ERMP1: variants seen among roughly 807,000 people sequenced by gnomAD.
The protein encoded by ERMP1 is endoplasmic reticulum metallopeptidase 1.
Under a neutral mutation model 92.0 loss-of-function variants are expected in ERMP1, and 86 were observed. That is an observed-to-expected ratio of 0.93 (90% CI 0.79 to 1.12). ERMP1 has a LOEUF of 1.12. ERMP1 is among the 50% of genes most tolerant of loss of function. The probability of loss-of-function intolerance (pLI) is 0.00; values close to 1 mark genes in which losing one functional copy is unlikely to be tolerated. For missense variants in ERMP1, 1,342 were observed against 1,116.3 expected, an observed-to-expected ratio of 1.20 and a Z score of -2.88; for synonymous variants, 530 against 412.8, an observed-to-expected ratio of 1.28 and a Z score of -3.44.
chr9:5,828,723 T>C (rs1293227036), intron 2 of ERMP1, among the ~76,000 whole-genome samples: 1 of 152,232 alleles, frequency 6.6e-6, no homozygotes, highest in African/African-American at 2.4e-5. Context: ...GGTTTTTCTC[T>C]TTTTAACCTG....
intron 3 of ERMP1, 150 bp downstream of exon 3, chr9:5,824,942 G>T: frequency 1.4e-6 from 1 of 690,178 alleles, no homozygotes; most frequent in Non-Finnish European, 2.4e-6. Flanking sequence ...ATTTGTTAAA[G>T]TACTGCTCAT....
chr9:5,805,548 C>A lies in ERMP1; in HGVS notation c.1723+63G>T, dbSNP rs1191965775. 3.6e-6 allele frequency: 5 copies of A among 1,394,264 alleles called. No individual in the cohort carries two copies. In the African/African-American group the frequency reaches 6.0e-5, roughly 17 times the overall value. The allele number at this position is 1,394,264 out of a possible 1,614,324, so 86.4% of individuals were successfully genotyped here. A position where few individuals can be genotyped will look rare whatever the true frequency, so the allele number is the denominator to read the frequency against. On this transcript the variant is annotated intron_variant, in intron 9 of 14. Coordinates refer to ENST00000339450, the MANE Select transcript of ERMP1 (RefSeq NM_024896.3). ...CCAATAAAACCAAAAAAGAAAGAGT[C>A]CCTGAAAGCCTTAAGTATTTTAAGG...
upstream of ERMP1, among the ~76,000 whole-genome samples, chr9:5,833,481 A>C (rs1042301542): frequency 6.6e-6 from 1 of 152,236 alleles, no homozygotes; most frequent in African/African-American, 2.4e-5. Flanking sequence ...ATTAGAAATA[A>C]GATTACGCAG....
intron 13 of ERMP1, among the ~76,000 whole-genome samples, chr9:5,792,391 T>C (rs1828233882): frequency 6.6e-6 from 1 of 152,172 alleles, no homozygotes; most frequent in Non-Finnish European, 1.5e-5. Flanking sequence ...CTGCTAGTTT[T>C]AAAGATGGAA....
chr9:5,791,166 G>A, intron 13 of ERMP1: 1 of 455,182 alleles, frequency 2.2e-6, no homozygotes, highest in Non-Finnish European at 4.4e-6. Flanking sequence ...CCAACAGGAT[G>A]TGTACAGAGA....
At chr9:5,829,858 C>T (rs566141431) in intron 2 of ERMP1, among the ~76,000 whole-genome samples, 1 of 152,288 alleles carries the variant, frequency 6.6e-6, no homozygotes, top group East Asian at 1.9e-4. Flanking sequence ...TATTTTCCAT[C>T]CCTATTTACA....
At chr9:5,813,058 A>G in intron 4 of ERMP1, 23 bp from the exon 5 acceptor site, 6 of 1,605,464 alleles carry the variant, frequency 3.7e-6, no homozygotes, top group Non-Finnish European at 5.1e-6. Context: ...ATGACAACAC[A>G]ATAGAAGGTA....
At position 5,861,311 on chromosome 9, in the gene ERMP1, C is replaced by A. The variant is rs564915434; in HGVS notation, n.3056-1700G>T. On this transcript the variant is annotated intron_variant and non_coding_transcript_variant, in intron 5 of 6. Coordinates refer to the ERMP1 transcript ENST00000690753. ...CCCAGGATGTCATCATTGGCCTTAG[C>A]TGTGCTGAATTTGGGTGAAAAAAAA... Among the ~76,000 whole-genome samples the A allele has an allele frequency of 2.6e-5, 4 of 151,678 alleles. No homozygotes were observed. The South Asian group carries it at 8.3e-4, about 32-fold the overall frequency.
rs1180388561 is a variant in ERMP1 at position 5,811,108 on chromosome 9, TACTC to T, written c.1326_1327+2del. On this transcript the variant is annotated splice_donor_variant and coding_sequence_variant, in exon 7 of 15. Coordinates refer to ENST00000339450, the MANE Select transcript of ERMP1 (RefSeq NM_024896.3). LOFTEE classifies it high-confidence loss of function. ...ATTTGTAGTTTTAGAGGAAAATACTTACTCTTATGTTTGGGCTGCAAAAATTTTT... is the reference window on the plus strand; with the variant it reads ...ATTTGTAGTTTTAGAGGAAAATACTTTTATGTTTGGGCTGCAAAAATTTTT... The T allele has an allele frequency of 6.2e-7, 1 of 1,600,934 alleles. No homozygotes were observed. The highest frequency in any genetic ancestry group is 8.6e-7 in the Non-Finnish European group (1 of 1,168,200).
chr9:5,804,007 C>G (rs917353859), intron 10 of ERMP1, among the ~76,000 whole-genome samples: 1 of 152,110 alleles, frequency 6.6e-6, no homozygotes, highest in African/African-American at 2.4e-5. Context: ...ATGATGCTGA[C>G]CATGTGTGTA....
upstream of ERMP1, among the ~76,000 whole-genome samples, chr9:5,834,665 A>C (rs973177158): frequency 6.6e-6 from 1 of 151,370 alleles, no homozygotes; most frequent in Non-Finnish European, 1.5e-5. Context: ...GCTCTGGATA[A>C]GAGCCTAGCC....
intron 11 of ERMP1, 128 bp downstream of exon 11, chr9:5,801,047 CA>C: frequency 8.0e-6 from 7 of 876,972 alleles, no homozygotes; most frequent in South Asian, 2.0e-5. Flanking sequence ...GCCTTACACA[CA>C]AAAAAGGTGA....
chr9:5,801,220 T>G lies in ERMP1; in HGVS notation c.2023A>C (p.Ser675Arg). 6.2e-7 allele frequency: 1 copy of G among 1,613,884 alleles called. No individual in the cohort carries two copies. The highest frequency in any genetic ancestry group is 8.5e-7 in the Non-Finnish European group (1 of 1,179,906). Residue 675 changes from serine to arginine, a missense_variant, in exon 11 of 15, where the codon AGC becomes CGC. Coordinates refer to ENST00000339450, the MANE Select transcript of ERMP1 (RefSeq NM_024896.3). Reference protein sequence around the residue: ...LVCSGTFFPYSSNPANPKPKR... With the variant: ...LVCSGTFFPYRSNPANPKPKR... Reference sequence around the variant, plus strand: ...GGCTTCGGATTAGCAGGATTGGAGCTATATGGAAAAAATGTTCCACTGCAA... The same window carrying G: ...GGCTTCGGATTAGCAGGATTGGAGCGATATGGAAAAAATGTTCCACTGCAA...
intron 6 of ERMP1, among the ~76,000 whole-genome samples, chr9:5,857,696 C>A (rs6477006): frequency 0.57 from 86,682 of 151,936 alleles, 25,574 homozygotes; most frequent in South Asian, 0.69. Context: ...GACAGTGGAT[C>A]TGCAGGGGAT....
At chr9:5,811,708 G>C (rs914463691) in intron 6 of ERMP1, among the ~76,000 whole-genome samples, 2 of 152,116 alleles carry the variant, frequency 1.3e-5, no homozygotes, top group African/African-American at 4.8e-5. Context: ...AACTGTACTA[G>C]ACACTCTTCT....
chr9:5,861,885 T>C (rs1163445410), intron 5 of ERMP1, among the ~76,000 whole-genome samples: 1 of 152,034 alleles, frequency 6.6e-6, no homozygotes, highest in African/African-American at 2.4e-5. Context: ...ATGGGGCCAG[T>C]TGAGTGTAGT....
chr9:5,811,132 A>C lies in ERMP1; in HGVS notation c.1306T>G (p.Phe436Val). Residue 436 changes from phenylalanine to valine, a missense_variant, in exon 7 of 15, where the codon TTT becomes GTT. By Grantham distance (50) the Phe-to-Val change is conservative. Coordinates refer to ENST00000339450, the MANE Select transcript of ERMP1 (RefSeq NM_024896.3). Reference protein sequence around the residue: ...MGVVLYLGKKFLQPKHKTGNY... With the variant: ...MGVVLYLGKKVLQPKHKTGNY... ...TTACTCTTATGTTTGGGCTGCAAAA[A>C]TTTTTTGCCCAGGTACAAAACAACA... 1 of 1,613,810 alleles carries C rather than the reference A, an allele frequency of 6.2e-7. No homozygotes were observed. Among genetic ancestry groups the C allele is most frequent in the Admixed American group, 1.7e-5 (1 of 59,998 alleles).
chr9:5,805,769 T>C lies in ERMP1; in HGVS notation c.1565A>G (p.Tyr522Cys). 2 of 1,606,260 alleles carry C rather than the reference T, an allele frequency of 1.2e-6. No homozygotes were observed. The highest frequency in any genetic ancestry group is 1.3e-5 in the African/African-American group (1 of 74,376). The change falls in exon 9 of 15, where the codon TAT (tyrosine) becomes TGT (cysteine). Residue 522 changes from tyrosine to cysteine, a missense_variant. Coordinates refer to ENST00000339450, the MANE Select transcript of ERMP1 (RefSeq NM_024896.3). The part of the protein sequence containing the change: ...RFYYMNASAQ[Y>C]LGEVFFDISL... ...AATGTCAAAAAATACTTCTCCCAGA[T>C]ACTGGGCACTGGCATTCTGAAAGAA...
chr9:5,827,935 G>A lies in ERMP1; in HGVS notation c.641-2716C>T, dbSNP rs150948665. On this transcript the variant is annotated intron_variant, in intron 2 of 14. Transcript: ENST00000339450. Reference sequence around the variant, plus strand: ...AGAGCTTGCAGTGAGCCGAGATCGCGCCACTGCACTCTAGCCTGGGCGACA... The same window carrying A: ...AGAGCTTGCAGTGAGCCGAGATCGCACCACTGCACTCTAGCCTGGGCGACA... Among the ~76,000 whole-genome samples the A allele has an allele frequency of 1.6e-3, 236 of 152,232 alleles. 1 individual carries two copies. Among genetic ancestry groups the A allele is most frequent in the African/African-American group, 5.2e-3 (217 of 41,532 alleles).
Sources: gnomAD v4.1 joint callset for allele counts (sites outside exome capture counted in the v4.1 genomes callset) on GRCh38, gnomAD v4.1.1 for gene constraint, MANE v1.5 for transcripts, NCBI Gene and HGNC (gene_info 2026-07-23, HGNC 2026-07-21) for gene names.